Variants in ZNF526 observed in about 807,000 individuals in gnomAD.
ZNF526 encodes zinc finger protein 526.
A neutral mutation model predicts 32.4 loss-of-function variants in ZNF526; 16 were observed. The observed-to-expected ratio is 0.49, with a 90% CI of 0.33 to 0.75. The LOEUF (loss-of-function observed/expected upper bound fraction) is 0.75, where lower values mean the gene tolerates loss of function less well. ZNF526 is among the 30% of genes least tolerant of loss of function. ZNF526 has a pLI of 0.02. For missense variants in ZNF526, 838 were observed against 920.7 expected (o/e 0.91, Z 1.16); for synonymous variants, 355 against 363.4 (o/e 0.98, Z 0.26).
In ZNF526 at chr19:42,226,205, T is replaced by C. The variant is rs202231594; in HGVS notation, c.1802T>C (p.Leu601Ser). 3.7e-6 allele frequency: 6 copies of C among 1,611,160 alleles called. No individual in the cohort carries two copies. Among genetic ancestry groups the C allele is most frequent in the East Asian group, 2.2e-5 (1 of 44,882 alleles). The change falls in exon 3 of 3, where the codon TTG becomes TCG. Residue 601 changes from leucine to serine, a missense_variant. Transcript: ENST00000301215. The stretch of plus-strand genomic sequence containing the variant: ...CGGGTCCATGCCCGAGCTCGGACTT[T>C]GACGCTACAGCCTCCCAGATCACCA... Reference protein sequence around the residue: ...HQRVHARARTLTLQPPRSPSP... With the variant: ...HQRVHARARTSTLQPPRSPSP...
At position 42,225,021 on chromosome 19, in the gene ZNF526, C is replaced by T. The variant is rs746549167; in HGVS notation, c.618C>T (p.Cys206=). 20 of 1,614,118 alleles carry T rather than the reference C, an allele frequency of 1.2e-5. No homozygotes were observed. Among genetic ancestry groups the T allele is most frequent in the African/African-American group, 4.0e-5 (3 of 74,926 alleles). The change falls in exon 3 of 3, where the codon TGC becomes TGT. Residue 206 remains cysteine, a synonymous_variant. Coordinates refer to ENST00000301215, the MANE Select transcript of ZNF526 (RefSeq NM_133444.3). ...AGTGTCCTGAGTGCTCTACCCTCTG[C>T]GCCACCCCTGAGGAGTTCTTGGAGC... is the stretch of plus-strand genomic sequence containing the variant. ...PYECPECSTL[C]ATPEEFLEHQ...
At chr19:42,224,062 G>C (rs2036148326) in intron 1 of ZNF526, among the ~76,000 whole-genome samples, 153 bp from the exon 2 acceptor site, 1 of 148,364 alleles carries the variant, frequency 6.7e-6, no homozygotes, top group Admixed American at 6.8e-5. Flanking sequence ...AGGAGGCTGA[G>C]GCACGAGAAT....
In ZNF526 at chr19:42,226,597, C is replaced by A; in HGVS notation, c.*181C>A. ...CTTCCAGGCTTCTCTTGTCATCTTTCTCTGCCTGAGGGGAAACTGAAGCTC... is the reference window on the plus strand; with the variant it reads ...CTTCCAGGCTTCTCTTGTCATCTTTATCTGCCTGAGGGGAAACTGAAGCTC... On this transcript the variant is annotated 3_prime_UTR_variant, in exon 3 of 3. Coordinates refer to ENST00000301215, the MANE Select transcript of ZNF526 (RefSeq NM_133444.3). 1 of 800,194 alleles carries A rather than the reference C, an allele frequency of 1.2e-6. No individual in the cohort carries two copies. The highest frequency in any genetic ancestry group is 2.1e-6 in the Non-Finnish European group (1 of 472,974). The allele number at this position is 800,194 out of a possible 1,614,324, so 49.6% of individuals were successfully genotyped here. A position where few individuals can be genotyped will look rare whatever the true frequency, so the allele number is the denominator to read the frequency against.
rs770698229 is a variant in ZNF526, at chr19:42,224,729, A to T, written c.326A>T (p.Gln109Leu). 6.2e-7 allele frequency: 1 copy of T among 1,614,048 alleles called. No individual in the cohort carries two copies. Among genetic ancestry groups the T allele is most frequent in the South Asian group, 1.1e-5 (1 of 91,064 alleles). ...ELVPGAEGPFQCGECSQLILS... is the reference protein window; with the variant it reads ...ELVPGAEGPFLCGECSQLILS... ...GTGCCGGGTGCTGAGGGGCCCTTCC[A>T]GTGTGGTGAATGCAGCCAGCTCATC... is the stretch of plus-strand genomic sequence containing the variant. The change falls in exon 3 of 3, where the codon CAG (glutamine) becomes CTG (leucine). Residue 109 changes from glutamine to leucine, a missense_variant. By Grantham distance (113) the Gln-to-Leu change is moderately radical. Coordinates refer to ENST00000301215, the MANE Select transcript of ZNF526 (RefSeq NM_133444.3).
chr19:42,221,657 A>T (rs2036124708), intron 1 of ZNF526, among the ~76,000 whole-genome samples: 1 of 151,856 alleles, frequency 6.6e-6, no homozygotes, highest in Non-Finnish European at 1.5e-5. Context: ...TAAAATAAAT[A>T]AAAATAAAAA....
rs1025672978 is a variant in ZNF526, at chr19:42,227,030, A to T, written c.*614A>T. 1 of 191,204 alleles carries T rather than the reference A, an allele frequency of 5.2e-6. No homozygotes were observed. The highest frequency in any genetic ancestry group is 1.2e-5 in the Non-Finnish European group (1 of 80,878). The allele number at this position is 191,204 out of a possible 1,614,324, so 11.8% of individuals were successfully genotyped here. ...GCACAATCTGGTAGGAGAAACGCACAAGTACAGATAGCTTGCTCTCTGAGT... is the reference window on the plus strand; with the variant it reads ...GCACAATCTGGTAGGAGAAACGCACTAGTACAGATAGCTTGCTCTCTGAGT... On this transcript the variant is annotated 3_prime_UTR_variant, in exon 3 of 3. Coordinates refer to ENST00000301215, the MANE Select transcript of ZNF526 (RefSeq NM_133444.3).
chr19:42,224,798 G>A lies in ZNF526; in HGVS notation c.395G>A (p.Arg132Gln), dbSNP rs146635897. The change falls in exon 3 of 3, where the codon CGA (arginine) becomes CAA (glutamine). Residue 132 changes from arginine (R) to glutamine (Q), a missense_variant. Transcript: ENST00000301215. ...CTGGCCCACCAGGATGCCCACCTCCGAGAGTCTGCAAACCAGATCCAATAC... is the reference window on the plus strand; with the variant it reads ...CTGGCCCACCAGGATGCCCACCTCCAAGAGTCTGCAAACCAGATCCAATAC... The part of the protein sequence containing the change: ...ELLAHQDAHL[R>Q]ESANQIQYQC... 1.1e-4 allele frequency: 184 copies of A among 1,613,762 alleles called. No individual in the cohort carries two copies. Among genetic ancestry groups the A allele is most frequent in the Non-Finnish European group, 1.4e-4 (167 of 1,180,028 alleles).
In ZNF526 at chr19:42,225,907, T is replaced by G; in HGVS notation, c.1504T>G (p.Cys502Gly). The G allele has an allele frequency of 6.2e-7, 1 of 1,614,210 alleles. No individual in the cohort carries two copies. Among genetic ancestry groups the G allele is most frequent in the Non-Finnish European group, 8.5e-7 (1 of 1,180,042 alleles). ...RTHTGERPFQCHSCGKTFASL... is the reference protein window; with the variant it reads ...RTHTGERPFQGHSCGKTFASL... ...ACACACGGGTGAGAGGCCCTTCCAG[T>G]GCCACTCATGTGGCAAGACCTTTGC... The change falls in exon 3 of 3, where the codon TGC becomes GGC. Residue 502 changes from cysteine (C) to glycine (G), a missense_variant. By Grantham distance (159) the Cys-to-Gly change is radical. Transcript: ENST00000301215.
Position 42,225,972 on chromosome 19 carries a change from G to T in ZNF526, c.1569G>T (p.Thr523=). 1.2e-6 allele frequency: 2 copies of T among 1,614,014 alleles called. No individual in the cohort carries two copies. Among genetic ancestry groups the T allele is most frequent in the Non-Finnish European group, 1.7e-6 (2 of 1,180,028 alleles). The change falls in exon 3 of 3, where the codon ACG becomes ACT. Residue 523 remains threonine, a synonymous_variant. Transcript: ENST00000301215. Reference sequence around the variant, plus strand: ...TCAGCCGCCACCAGCTGACCCATACGGGTGCACGTCCCTACCAATGCCTGG... The same window carrying T: ...TCAGCCGCCACCAGCTGACCCATACTGGTGCACGTCCCTACCAATGCCTGG... ...ANLSRHQLTH[T]GARPYQCLDC...
chr19:42,224,749 C>G lies in ZNF526; in HGVS notation c.346C>G (p.Leu116Val). The G allele has an allele frequency of 1.2e-6, 2 of 1,614,108 alleles. No homozygotes were observed. Among genetic ancestry groups the G allele is most frequent in the Non-Finnish European group, 1.7e-6 (2 of 1,180,022 alleles). The change falls in exon 3 of 3, where the codon CTC becomes GTC. Residue 116 changes from leucine to valine, a missense_variant. Transcript: ENST00000301215. Reference sequence around the variant, plus strand: ...CTTCCAGTGTGGTGAATGCAGCCAGCTCATCCTCTCCCCTGGGGAGCTCCT... The same window carrying G: ...CTTCCAGTGTGGTGAATGCAGCCAGGTCATCCTCTCCCCTGGGGAGCTCCT... ...GPFQCGECSQ[L>V]ILSPGELLAH...
At position 42,227,314 on chromosome 19, in the gene ZNF526, G is replaced by C. The variant is rs1456232904; in HGVS notation, c.*898G>C. ...AAGAACATTCCAGGCAGACAGCACT[G>C]CAAGAGGGTGAGCTCTTGGTGTATT... On this transcript the variant is annotated 3_prime_UTR_variant, in exon 3 of 3. Transcript: ENST00000301215. 1 of 167,266 alleles carries C rather than the reference G, an allele frequency of 6.0e-6. No homozygotes were observed. The highest frequency in any genetic ancestry group is 6.5e-5 in the Admixed American group (1 of 15,286). 10.4% of individuals were successfully genotyped at this position (167,266 alleles called of 1,614,324 possible). A position where few individuals can be genotyped will look rare whatever the true frequency, so the allele number is the denominator to read the frequency against.
Position 42,225,458 on chromosome 19 carries a change from G to A in ZNF526, c.1055G>A (p.Arg352Gln), listed in dbSNP as rs144433879. Reference sequence around the variant, plus strand: ...GCAGCATCGCTTGAGCAGCACTTGCGGCTGCATCGCGGGGAAGCCCGCTAC... The same window carrying A: ...GCAGCATCGCTTGAGCAGCACTTGCAGCTGCATCGCGGGGAAGCCCGCTAC... Reference protein sequence around the residue: ...KKAASLEQHLRLHRGEARYLC... With the variant: ...KKAASLEQHLQLHRGEARYLC... Residue 352 changes from arginine (R) to glutamine (Q), a missense_variant, in exon 3 of 3, where the codon CGG becomes CAG. Physicochemically the swap from Arg to Gln is conservative, Grantham distance 43 (BLOSUM62 1). Coordinates refer to ENST00000301215, the MANE Select transcript of ZNF526 (RefSeq NM_133444.3). 926 of 1,614,166 alleles carry A rather than the reference G, an allele frequency of 5.7e-4. 1 individual carries two copies. The highest frequency in any genetic ancestry group is 6.7e-4 in the Non-Finnish European group (795 of 1,180,048).
In ZNF526 at chr19:42,227,035, C is replaced by T; in HGVS notation, c.*619C>T. The T allele has an allele frequency of 5.2e-6, 1 of 190,564 alleles. No individual in the cohort carries two copies. Among genetic ancestry groups the T allele is most frequent in the Non-Finnish European group, 1.2e-5 (1 of 80,448 alleles). The allele number at this position is 190,564 out of a possible 1,614,324, so 11.8% of individuals were successfully genotyped here. ...ATCTGGTAGGAGAAACGCACAAGTA[C>T]AGATAGCTTGCTCTCTGAGTGTGTC... On this transcript the variant is annotated 3_prime_UTR_variant, in exon 3 of 3. Transcript: ENST00000301215.
rs1388797472 is a variant in ZNF526 at position 42,225,697 on chromosome 19, C to T, written c.1294C>T (p.Pro432Ser). ...APPAPAEPTP[P>S]PPPPAPPAQL... The stretch of plus-strand genomic sequence containing the variant: ...CCCAGCTCCAGCGGAGCCCACCCCT[C>T]CACCACCACCCCCTGCCCCACCTGC... Residue 432 changes from proline to serine, a missense_variant, in exon 3 of 3, where the codon CCA becomes TCA. Coordinates refer to ENST00000301215, the MANE Select transcript of ZNF526 (RefSeq NM_133444.3). 5.1e-6 allele frequency: 5 copies of T among 989,950 alleles called. No individual in the cohort carries two copies. Among genetic ancestry groups the T allele is most frequent in the Middle Eastern group, 4.8e-4 (2 of 4,198 alleles). The allele number at this position is 989,950 out of a possible 1,614,324, so 61.3% of individuals were successfully genotyped here.
In ZNF526 at chr19:42,224,960, C is replaced by G. The variant is rs539635495; in HGVS notation, c.557C>G (p.Pro186Arg). ...CCTCCCCCAACACCACTGCCTCCAC[C>G]TTCTCCCCCATCCGAAGTCAAGATG... ...PLPPPTPLPPPSPPSEVKMEP... is the reference protein window; with the variant it reads ...PLPPPTPLPPRSPPSEVKMEP... Residue 186 changes from proline (P) to arginine (R), a missense_variant, in exon 3 of 3, where the codon CCT becomes CGT. Physicochemically the swap from Pro to Arg is moderately radical, Grantham distance 103 (BLOSUM62 -2). Coordinates refer to ENST00000301215, the MANE Select transcript of ZNF526 (RefSeq NM_133444.3). 4.6e-5 allele frequency: 74 copies of G among 1,614,234 alleles called. No homozygotes were observed. In the East Asian group the frequency reaches 1.5e-3, roughly 33 times the overall value.
At chr19:42,223,663 A>G (rs1192260045) in intron 1 of ZNF526, among the ~76,000 whole-genome samples, 1 of 151,444 alleles carries the variant, frequency 6.6e-6, no homozygotes, top group Non-Finnish European at 1.5e-5. Context: ...AAAAAAATAC[A>G]AAAATTAGCT....
In ZNF526 at chr19:42,224,544, C is replaced by G. The variant is rs1278395438; in HGVS notation, c.141C>G (p.Ala47=). 8 of 1,614,230 alleles carry G rather than the reference C, an allele frequency of 5.0e-6. No homozygotes were observed. The highest frequency in any genetic ancestry group is 6.8e-6 in the Non-Finnish European group (8 of 1,180,032). ...AGATGACACCTGGGGAGGCCCTTGC[C>G]TCATCCCTCTTCTTCCAGCATCACC... ...VTEMTPGEAL[A]SSLFFQHHQF... Residue 47 remains alanine, a synonymous_variant, in exon 3 of 3, where the codon GCC becomes GCG. Transcript: ENST00000301215.
rs1013286092 is a variant in ZNF526 at position 42,227,470 on chromosome 19, A to C, written c.*1054A>C. 14 of 167,036 alleles carry C rather than the reference A, an allele frequency of 8.4e-5. No homozygotes were observed. The highest frequency in any genetic ancestry group is 3.4e-4 in the African/African-American group (14 of 41,362). 10.3% of individuals were successfully genotyped at this position (167,036 alleles called of 1,614,324 possible). A position where few individuals can be genotyped will look rare whatever the true frequency, so the allele number is the denominator to read the frequency against. ...TTATCCCTGTTGTATAGATTTTTAA[A>C]ACTGGTGGCTGGGCGTGGTGGCTCA... On this transcript the variant is annotated 3_prime_UTR_variant, in exon 3 of 3. Transcript: ENST00000301215.
In ZNF526 at chr19:42,224,904, G is replaced by A. The variant is rs57984044; in HGVS notation, c.501G>A (p.Thr167=). Residue 167 remains threonine, a synonymous_variant, in exon 3 of 3, where the codon ACG becomes ACA. Coordinates refer to ENST00000301215, the MANE Select transcript of ZNF526 (RefSeq NM_133444.3). The part of the protein sequence containing the change: ...AHRKAQHLSA[T]VAEPPVPPPL... The stretch of plus-strand genomic sequence containing the variant: ...GAAAGGCCCAGCACCTTTCTGCTAC[G>A]GTAGCTGAGCCACCAGTGCCACCTC... The A allele has an allele frequency of 1.2e-3, 1,897 of 1,614,008 alleles. 19 individuals carry two copies. The African/African-American group carries it at 0.021, about 18-fold the overall frequency.
Sources: allele counts gnomAD v4.1 joint callset (sites outside exome capture counted in the v4.1 genomes callset), GRCh38; gene constraint gnomAD v4.1.1; transcripts MANE v1.5; gene names NCBI Gene and HGNC (gene_info 2026-07-23, HGNC 2026-07-21).